Variants in STMN4 observed in about 807,000 individuals in gnomAD.
STMN4 encodes stathmin 4, also known as stathmin-4.
STMN4 carries 12 observed loss-of-function variants against 29.1 expected under a neutral mutation model. That is an observed-to-expected ratio of 0.41 (90% CI 0.26 to 0.67). STMN4 has a LOEUF of 0.67. STMN4 is among the 30% of genes least tolerant of loss of function. The pLI is 0.30. For synonymous variants in STMN4, 114 were observed against 105.3 expected (o/e 1.08, Z -0.51); for missense variants, 181 against 262.8 (o/e 0.69, Z 2.15).
chr8:27,243,908 G>T, intron 1 of STMN4, 107 bp from the exon 2 acceptor site: 1 of 1,032,312 alleles, frequency 9.7e-7, no homozygotes, highest in Non-Finnish European at 1.4e-6. Context: ...TACCTCATTT[G>T]CTCTTCCTCC....
In STMN4 at chr8:27,243,151, C is replaced by T. The variant is rs576773263; in HGVS notation, c.13+560G>A. On this transcript the variant is annotated intron_variant, in intron 2 of 6. Coordinates refer to ENST00000350889, the MANE Select transcript of STMN4 (RefSeq NM_030795.4). ...GGCTCCTGAAAGTCCCTCTCCTCACCGCCTTGGGGCCCGTGTGTCTGGCTG... is the reference window on the plus strand; with the variant it reads ...GGCTCCTGAAAGTCCCTCTCCTCACTGCCTTGGGGCCCGTGTGTCTGGCTG... Among the ~76,000 whole-genome samples the T allele has an allele frequency of 2.0e-3, 312 of 152,294 alleles. 1 individual carries two copies. Among genetic ancestry groups the T allele is most frequent in the African/African-American group, 7.2e-3 (301 of 41,578 alleles).
At chr8:27,251,240 G>A (rs1473449414) in intron 1 of STMN4, among the ~76,000 whole-genome samples, 2 of 150,788 alleles carry the variant, frequency 1.3e-5, no homozygotes, top group Admixed American at 6.6e-5. Context: ...GTGAAAGAGT[G>A]AGACTTCATC....
chr8:27,237,899 CT>C (rs1184487275), intron 6 of STMN4, among the ~76,000 whole-genome samples: 5 of 152,212 alleles, frequency 3.3e-5, no homozygotes, highest in African/African-American at 7.2e-5. Context: ...ACCACATTAT[CT>C]TTTCTACTAT....
At position 27,241,726 on chromosome 8, in the gene STMN4, A is replaced by G. The variant is rs1444891925; in HGVS notation, c.141T>C (p.Asp47=). 1.9e-6 allele frequency: 3 copies of G among 1,613,974 alleles called. No individual in the cohort carries two copies. The highest frequency in any genetic ancestry group is 1.7e-6 in the Non-Finnish European group (2 of 1,179,996). ...CAGCACTGTCTTTCCGCTGGCTTTCATCCTTCCTCCTACACTGTCTCCCAC... is the reference window on the plus strand; with the variant it reads ...CAGCACTGTCTTTCCGCTGGCTTTCGTCCTTCCTCCTACACTGTCTCCCAC... ...GWCGRQCRRK[D]ESQRKDSADW... is the part of the protein sequence containing the mutation. Residue 47 remains aspartate (D), a synonymous_variant, in exon 4 of 7, where the codon GAT becomes GAC. Transcript: ENST00000350889.
Position 27,236,900 on chromosome 8 carries a change from C to A in STMN4, c.597G>T (p.Lys199Asn), listed in dbSNP as rs374338989. 2 of 1,607,314 alleles carry A rather than the reference C, an allele frequency of 1.2e-6. No homozygotes were observed. The highest frequency in any genetic ancestry group is 1.7e-6 in the Non-Finnish European group (2 of 1,177,212). The part of the protein sequence containing the change: ...AMLERLQEKD[K>N]HAEEVRKNKE... ...TGTTTTTCCGCACCTCCTCGGCGTG[C>A]TTGTCCTGGAAAGGAAGGGAGGGAA... is the stretch of plus-strand genomic sequence containing the variant. Residue 199 changes from lysine (K) to asparagine (N), a missense_variant, in exon 7 of 7, where the codon AAG becomes AAT. By Grantham distance (94) the Lys-to-Asn change is moderately conservative. Transcript: ENST00000350889.
chr8:27,250,701 G>C (rs1801757305), intron 1 of STMN4, among the ~76,000 whole-genome samples: 2 of 152,204 alleles, frequency 1.3e-5, no homozygotes, highest in Admixed American at 1.3e-4. Flanking sequence ...GCTTCCAACA[G>C]CATCTAGAGG....
intron 1 of STMN4, among the ~76,000 whole-genome samples, chr8:27,244,263 G>A (rs1801561747): frequency 6.6e-6 from 1 of 152,210 alleles, no homozygotes; most frequent in Non-Finnish European, 1.5e-5. Context: ...GATATGGGAA[G>A]AGAGGGAATT....
intron 6 of STMN4, among the ~76,000 whole-genome samples, chr8:27,237,121 T>C (rs575545316): frequency 6.6e-6 from 1 of 152,022 alleles, no homozygotes; most frequent in Non-Finnish European, 1.5e-5. Flanking sequence ...GAGCTCAGGG[T>C]CCTGTGGGTG....
Position 27,236,686 on chromosome 8 carries a change from C to G in STMN4, c.*160G>C, listed in dbSNP as rs138190864. The G allele has an allele frequency of 4.0e-4, 227 of 569,242 alleles. No homozygotes were observed. The highest frequency in any genetic ancestry group is 3.9e-3 in the African/African-American group (203 of 51,424). The allele number at this position is 569,242 out of a possible 1,614,324, so 35.3% of individuals were successfully genotyped here. A position where few individuals can be genotyped will look rare whatever the true frequency, so the allele number is the denominator to read the frequency against. Reference sequence around the variant, plus strand: ...AATAGGATGGCTTCACTGGTCAATTCTTAACATGTACAAACACCAAAAGCA... The same window carrying G: ...AATAGGATGGCTTCACTGGTCAATTGTTAACATGTACAAACACCAAAAGCA... On this transcript the variant is annotated 3_prime_UTR_variant, in exon 7 of 7. Transcript: ENST00000350889.
chr8:27,239,027 A>T (rs571498222), intron 6 of STMN4, among the ~76,000 whole-genome samples: 1 of 152,184 alleles, frequency 6.6e-6, no homozygotes, highest in Non-Finnish European at 1.5e-5. Flanking sequence ...CCTCCCTCCC[A>T]TGTGACACTT....
chr8:27,250,276 A>T (rs1801745679), intron 1 of STMN4, among the ~76,000 whole-genome samples: 1 of 152,234 alleles, frequency 6.6e-6, no homozygotes, highest in African/African-American at 2.4e-5. Context: ...AAAGGCTCTG[A>T]TTGGCAGCCA....
At position 27,242,443 on chromosome 8, in the gene STMN4, G is replaced by C; in HGVS notation, c.63C>G (p.Ser21=). 2 of 1,614,214 alleles carry C rather than the reference G, an allele frequency of 1.2e-6. No individual in the cohort carries two copies. The highest frequency in any genetic ancestry group is 1.7e-6 in the Non-Finnish European group (2 of 1,180,030). ...KELPLVSLFC[S]CFLADPLNKS... is the part of the protein sequence containing the mutation. ...TATTCAGGGGATCGGCCAGGAAGCA[G>C]GAGCAGAACAAGGACACCAGCGGGA... Residue 21 remains serine (S), a synonymous_variant, in exon 3 of 7, where the codon TCC becomes TCG. Coordinates refer to ENST00000350889, the MANE Select transcript of STMN4 (RefSeq NM_030795.4).
chr8:27,253,204 A>G (rs937224874), intron 1 of STMN4, among the ~76,000 whole-genome samples: 1 of 152,232 alleles, frequency 6.6e-6, no homozygotes, highest in Admixed American at 6.5e-5. Context: ...TCTGGCCCAC[A>G]TTGAACTACG....
chr8:27,241,694 C>G lies in STMN4; in HGVS notation c.173G>C (p.Arg58Thr). Residue 58 changes from arginine (R) to threonine (T), a missense_variant, in exon 4 of 7, where the codon AGA becomes ACA. Transcript: ENST00000350889. ...ESQRKDSADW[R>T]ERRAQADTVD... ...CCTCCTACCCTGAGCTCTTCTTTCT[C>G]TCCAGTCAGCACTGTCTTTCCGCTG... The G allele has an allele frequency of 6.2e-7, 1 of 1,614,194 alleles. No homozygotes were observed. Among genetic ancestry groups the G allele is most frequent in the Non-Finnish European group, 8.5e-7 (1 of 1,180,024 alleles).
chr8:27,257,094 C>T (rs759572342), intron 1 of STMN4, among the ~76,000 whole-genome samples: 14 of 152,260 alleles, frequency 9.2e-5, no homozygotes, highest in Non-Finnish European at 1.6e-4. Context: ...GAGCCAGAGA[C>T]TAGGGCAGCA....
intron 1 of STMN4, among the ~76,000 whole-genome samples, chr8:27,252,151 T>TA (rs1325630739): frequency 6.6e-6 from 1 of 152,036 alleles, no homozygotes; most frequent in Admixed American, 6.6e-5. Context: ...CATCATTTTT[T>TA]ATGGCTGCAT....
intron 6 of STMN4, among the ~76,000 whole-genome samples, chr8:27,238,807 A>G (rs1801383271): frequency 6.6e-6 from 1 of 152,228 alleles, no homozygotes; most frequent in African/African-American, 2.4e-5. Flanking sequence ...AGCTTGCCTC[A>G]GGGACTTGTT....
chr8:27,237,577 G>A (rs749745140), intron 6 of STMN4, among the ~76,000 whole-genome samples: 1 of 152,088 alleles, frequency 6.6e-6, no homozygotes, highest in Non-Finnish European at 1.5e-5. Context: ...AGTGCAAATC[G>A]ACAGAAGAAT....
chr8:27,241,891 G>A (rs1801486101), intron 3 of STMN4, 134 bp from the exon 4 acceptor site: 1 of 977,084 alleles, frequency 1.0e-6, no homozygotes, highest in Non-Finnish European at 1.6e-6. Flanking sequence ...GTGAGGACGT[G>A]GCCACCCAGT....
Sources: allele counts gnomAD v4.1 joint callset (sites outside exome capture counted in the v4.1 genomes callset), GRCh38; gene constraint gnomAD v4.1.1; transcripts MANE v1.5; gene names NCBI Gene and HGNC (gene_info 2026-07-23, HGNC 2026-07-21).